The following TMEM156 variants were observed in gnomAD, a reference collection of about 807,000 sequenced individuals.
TMEM156 encodes the protein transmembrane protein 156.
TMEM156 carries 28 observed loss-of-function variants against 30.5 expected under a neutral mutation model. The ratio of observed to expected loss-of-function variants is 0.92; its 90% CI spans 0.68 to 1.26. TMEM156 has a LOEUF of 1.26. Ranked by LOEUF, TMEM156 falls within the 50% of genes most tolerant of loss-of-function variation. The pLI is 0.00. For missense variants in TMEM156, 351 were observed against 340.6 expected, an observed-to-expected ratio of 1.03 and a Z score of -0.24; for synonymous variants, 137 against 119.9, an observed-to-expected ratio of 1.14 and a Z score of -0.93.
In TMEM156 at chr4:39,000,613, G is replaced by A. The variant is rs149955857; in HGVS notation, c.89-1704C>T. ...TTTAAAATGCAAATCCAGGCCAGGC[G>A]CAGTGGCTCATGCCTGTAATCCCAG... is the stretch of plus-strand genomic sequence containing the variant. On this transcript the variant is annotated intron_variant, in intron 1 of 6. Transcript: ENST00000381938. Among the ~76,000 whole-genome samples, 261 of 152,248 alleles carry A rather than the reference G, an allele frequency of 1.7e-3. 8 individuals are homozygous for A. The East Asian group carries it at 0.041, about 24-fold the overall frequency.
At chr4:38,980,946 T>A in intron 5 of TMEM156, 1 of 985,392 alleles carries the variant, frequency 1.0e-6, no homozygotes, top group South Asian at 4.7e-5. Context: ...ATGACTGGAA[T>A]AAATCGTCCT....
chr4:39,032,403 T>TGAACTGCATTAACC lies in TMEM156; in HGVS notation c.-91_-90insGGTTAATGCAGTTC. On this transcript the variant is annotated 5_prime_UTR_variant, in exon 1 of 7. The change creates a new upstream start codon in the 5' untranslated region. Transcript: ENST00000381938. The stretch of plus-strand genomic sequence containing the variant: ...AAGTTTATCTCTGCAGCACTTTAGG[T>TGAACTGCATTAACC]TAATGCAGTTCACCTCATACTCACT... The TGAACTGCATTAACC allele has an allele frequency of 1.4e-6, 1 of 715,918 alleles. No individual in the cohort carries two copies. Among genetic ancestry groups the TGAACTGCATTAACC allele is most frequent in the Non-Finnish European group, 2.4e-6 (1 of 417,164 alleles). The allele number at this position is 715,918 out of a possible 1,614,324, so 44.3% of individuals were successfully genotyped here. A position where few individuals can be genotyped will look rare whatever the true frequency, so the allele number is the denominator to read the frequency against.
chr4:39,002,803 A>T (rs1181679645), intron 1 of TMEM156, among the ~76,000 whole-genome samples: 19 of 151,162 alleles, frequency 1.3e-4, no homozygotes. Flanking sequence ...CAAACACCGC[A>T]TATTCTCACT....
chr4:39,003,465 G>C (rs1188507786), intron 1 of TMEM156, among the ~76,000 whole-genome samples: 1 of 152,006 alleles, frequency 6.6e-6, no homozygotes, highest in Non-Finnish European at 1.5e-5. Flanking sequence ...CTCCTGAATA[G>C]CTAGGATTAC....
chr4:39,015,268 C>T (rs1399868318), intron 1 of TMEM156, among the ~76,000 whole-genome samples: 1 of 152,030 alleles, frequency 6.6e-6, no homozygotes, highest in Non-Finnish European at 1.5e-5. Flanking sequence ...CATAACATGG[C>T]AAAGTGGAAT....
intron 1 of TMEM156, among the ~76,000 whole-genome samples, chr4:39,025,115 G>A (rs1285768957): frequency 2.0e-5 from 3 of 152,078 alleles, no homozygotes; most frequent in Non-Finnish European, 4.4e-5. Context: ...TTGGGAGGCT[G>A]AGGTGGGCAG....
chr4:38,975,457 A>C (rs1354550588), intron 5 of TMEM156, among the ~76,000 whole-genome samples: 1 of 144,846 alleles, frequency 6.9e-6, no homozygotes, highest in Non-Finnish European at 1.5e-5. Flanking sequence ...ATCTCGGCTC[A>C]CCGCAACCTC....
At chr4:38,999,735 C>T (rs1713204646) in intron 1 of TMEM156, among the ~76,000 whole-genome samples, 1 of 152,178 alleles carries the variant, frequency 6.6e-6, no homozygotes. Flanking sequence ...CCTTGGCCCT[C>T]TGGTGGCTGC....
At chr4:39,017,514 G>A (rs1032038947) in intron 1 of TMEM156, among the ~76,000 whole-genome samples, 1 of 152,034 alleles carries the variant, frequency 6.6e-6, no homozygotes, top group Admixed American at 6.6e-5. Flanking sequence ...AAGAATATGT[G>A]TTCCAGATGT....
rs1337092753 is a variant in TMEM156, at chr4:38,986,555, T to A, written c.740-136A>T. On this transcript the variant is annotated intron_variant, in intron 4 of 6. Transcript: ENST00000381938. ...CAGGCACGGTGGTTCACGCCTGTAA[T>A]CCCAGCACTTTGGGAGGCTGAGGCA... 6.3e-6 allele frequency: 4 copies of A among 634,842 alleles called. No individual in the cohort carries two copies. The African/African-American group carries it at 7.3e-5, about 12-fold the overall frequency. The allele number at this position is 634,842 out of a possible 1,614,324, so 39.3% of individuals were successfully genotyped here.
intron 1 of TMEM156, among the ~76,000 whole-genome samples, chr4:39,031,462 C>T (rs1715498893): frequency 6.6e-6 from 1 of 152,074 alleles, no homozygotes; most frequent in Admixed American, 6.5e-5. Context: ...TATATAAACG[C>T]TTTTTCTTGT....
chr4:39,025,402 A>G lies in TMEM156; in HGVS notation c.88+6824T>C, dbSNP rs370625654. Among the ~76,000 whole-genome samples the G allele has an allele frequency of 1.1e-4, 17 of 151,954 alleles. 1 individual carries two copies. The East Asian group carries it at 1.7e-3, about 16-fold the overall frequency. On this transcript the variant is annotated intron_variant, in intron 1 of 6. Coordinates refer to ENST00000381938, the MANE Select transcript of TMEM156 (RefSeq NM_024943.3). ...TAAACTCAAAAAGATTATCCACTTC[A>G]ATAGCAAAAACTAGATTATATTTCA...
chr4:38,996,226 G>C (rs958311403), intron 2 of TMEM156, among the ~76,000 whole-genome samples: 1 of 145,538 alleles, frequency 6.9e-6, no homozygotes, highest in African/African-American at 2.5e-5. Context: ...ACTACAATCA[G>C]AAACACCTCG....
At chr4:38,992,738 A>G (rs1176872008) in intron 3 of TMEM156, among the ~76,000 whole-genome samples, 1 of 54,158 alleles carries the variant, frequency 1.8e-5, no homozygotes, top group East Asian at 1.2e-3. Context: ...TATATATAAT[A>G]TATAATATAT....
intron 5 of TMEM156, among the ~76,000 whole-genome samples, chr4:38,985,322 T>C (rs937873534): frequency 2.0e-5 from 3 of 152,362 alleles, no homozygotes; most frequent in African/African-American, 7.2e-5. Context: ...CTAATGCTTA[T>C]TATCAGTCAT....
chr4:38,970,166 G>A (rs1385873466), intron 6 of TMEM156, among the ~76,000 whole-genome samples: 2 of 151,628 alleles, frequency 1.3e-5, no homozygotes, highest in African/African-American at 4.8e-5. Flanking sequence ...GTGTGTGTGT[G>A]TATACATGCA....
intron 1 of TMEM156, among the ~76,000 whole-genome samples, chr4:39,026,271 C>T (rs1206554486): frequency 6.6e-6 from 1 of 151,918 alleles, no homozygotes; most frequent in Admixed American, 6.6e-5. Context: ...ATATGCTACT[C>T]AGGAGGCTGA....
chr4:39,019,914 A>G (rs1284265184), intron 1 of TMEM156, among the ~76,000 whole-genome samples: 2 of 152,152 alleles, frequency 1.3e-5, no homozygotes, highest in Non-Finnish European at 2.9e-5. Context: ...ATCTGTCTAA[A>G]TGAAATTTTG....
At chr4:38,999,038 A>T in intron 1 of TMEM156, 129 bp from the exon 2 acceptor site, 1 of 523,714 alleles carries the variant, frequency 1.9e-6, no homozygotes, top group Non-Finnish European at 3.1e-6. Flanking sequence ...CAGAGACAAG[A>T]CTGTTTTTTA....
Sources: gnomAD v4.1 joint callset for allele counts (sites outside exome capture counted in the v4.1 genomes callset) on GRCh38, gnomAD v4.1.1 for gene constraint, MANE v1.5 for transcripts, NCBI Gene and HGNC (gene_info 2026-07-23, HGNC 2026-07-21) for gene names.